STAB1: variants seen among roughly 807,000 people sequenced by gnomAD.
STAB1 encodes stabilin-1.
Under a neutral mutation model 332.4 loss-of-function variants are expected in STAB1, and 250 were observed. The observed-to-expected ratio is 0.75, with a 90% CI of 0.68 to 0.84. The LOEUF (loss-of-function observed/expected upper bound fraction) is 0.84, where lower values mean the gene tolerates loss of function less well. Among genes scored for constraint, STAB1 ranks in the 40% least tolerant of loss-of-function variants. STAB1 has a pLI of 0.00. For missense variants in STAB1, 3,249 were observed against 3,489.7 expected (o/e 0.93, Z 1.74); for synonymous variants, 1,475 against 1,390.4 (o/e 1.06, Z -1.35).
chr3:52,508,889 A>G (rs1443089364), intron 21 of STAB1, among the ~76,000 whole-genome samples: 1 of 152,132 alleles, frequency 6.6e-6, no homozygotes, highest in Non-Finnish European at 1.5e-5. Flanking sequence ...TTTATTTCCA[A>G]AAAGGCTACT....
chr3:52,507,518 T>C, intron 18 of STAB1, 95 bp from the exon 19 acceptor site: 1 of 1,338,614 alleles, frequency 7.5e-7, no homozygotes, highest in Non-Finnish European at 1.0e-6. Context: ...GCTCTTCTCA[T>C]CCCTTAATCC....
rs777119615 is a variant in STAB1, at chr3:52,513,961, C to G, written c.3427C>G (p.Leu1143Val). The G allele has an allele frequency of 1.9e-6, 3 of 1,604,790 alleles. No homozygotes were observed. The highest frequency in any genetic ancestry group is 1.7e-5 in the Admixed American group (1 of 59,748). The change falls in exon 32 of 69, where the codon CTC becomes GTC. Residue 1143 changes from leucine to valine, a missense_variant. By Grantham distance (32) the Leu-to-Val change is conservative. Transcript: ENST00000321725. ...QQLDLVPAFS[L>V]FRELLQHHGL... ...GCTGGACTTGGTGCCTGCCTTCAGC[C>G]TCTTCCGGGAATTGCTGCAGGTACG...
At chr3:52,515,581 C>A in intron 37 of STAB1, 75 bp downstream of exon 37, 2 of 1,502,772 alleles carry the variant, frequency 1.3e-6, no homozygotes, top group Non-Finnish European at 1.8e-6. Context: ...CAGGGAGGAG[C>A]CCAGTTTGGA....
rs535294709 is a variant in STAB1, at chr3:52,510,947, C to T, written c.2787+440C>T. On this transcript the variant is annotated intron_variant, in intron 25 of 68. Transcript: ENST00000321725. ...GACAGGCATTGAAGACTGTCTAACGCGCCAAGTGGGAGGCCAGGCCTGGCT... is the reference window on the plus strand; with the variant it reads ...GACAGGCATTGAAGACTGTCTAACGTGCCAAGTGGGAGGCCAGGCCTGGCT... Among the ~76,000 whole-genome samples, 22 of 152,302 alleles carry T rather than the reference C, an allele frequency of 1.4e-4. No homozygotes were observed. The South Asian group carries it at 2.1e-3, about 14-fold the overall frequency.
rs2079153783 is a variant in STAB1, at chr3:52,523,551, C to G, written c.7265C>G (p.Pro2422Arg). 1 of 1,612,774 alleles carries G rather than the reference C, an allele frequency of 6.2e-7. No individual in the cohort carries two copies. The highest frequency in any genetic ancestry group is 1.7e-5 in the Admixed American group (1 of 60,012). The change falls in exon 65 of 69, where the codon CCT (proline) becomes CGT (arginine). Residue 2422 changes from proline (P) to arginine (R), a missense_variant. Pro to Arg is a moderately radical substitution (Grantham distance 103). Transcript: ENST00000321725. ...GLSLIISDAG[P>R]DNSSWAPVAP... is the part of the protein sequence containing the mutation. ...AGCCTCATCATCAGTGACGCAGGCC[C>G]TGACAACAGTTCCTGGGCCCCTGTG...
intron 22 of STAB1, chr3:52,509,606 G>A (rs1052067687): frequency 3.0e-5 from 18 of 593,634 alleles, no homozygotes; most frequent in Admixed American, 2.5e-4. Context: ...TAAAGTATGC[G>A]GGACTTAGGT....
chr3:52,515,295 C>T, intron 36 of STAB1, 128 bp from the exon 37 acceptor site: 2 of 969,498 alleles, frequency 2.1e-6, no homozygotes, highest in Non-Finnish European at 3.2e-6. Context: ...TGTCTTGGTC[C>T]CTCTCTGACC....
At chr3:52,513,848 A>G in intron 31 of STAB1, 35 bp from the exon 32 acceptor site, 2 of 1,612,790 alleles carry the variant, frequency 1.2e-6, no homozygotes, top group African/African-American at 1.3e-5. Flanking sequence ...CCGTGAAGCA[A>G]TGACATACTG....
At chr3:52,502,901 C>T in intron 6 of STAB1, 98 bp from the exon 7 acceptor site, 1 of 1,286,348 alleles carries the variant, frequency 7.8e-7, no homozygotes, top group South Asian at 1.5e-5. Flanking sequence ...AGGTCAGGGC[C>T]CTGCTCCAAG....
chr3:52,495,520 C>A, intron 1 of STAB1, 29 bp downstream of exon 1: 2 of 1,306,898 alleles, frequency 1.5e-6, no homozygotes, highest in Non-Finnish European at 9.8e-7. Context: ...CAGGGGCACA[C>A]GGCGTCTGGG....
At position 52,516,736 on chromosome 3, in the gene STAB1, CG is replaced by C; in HGVS notation, c.4334del (p.Gly1445AspfsTer146). 1 of 1,611,308 alleles carries C rather than the reference CG, an allele frequency of 6.2e-7. No homozygotes were observed. On this transcript the variant is annotated frameshift_variant, in exon 41 of 69. Coordinates refer to ENST00000321725, the MANE Select transcript of STAB1 (RefSeq NM_015136.3). LOFTEE classifies it high-confidence loss of function. ...GGAGCCTCCACCTGCGCCTGTGCTG[CG>C]GGATACTCCGGCAATGGCATCTTCT... ...SAGASTCACA[A>X]GYSGNGIFCS...
Position 52,504,790 on chromosome 3 carries a change from A to T in STAB1, c.1291A>T (p.Ile431Phe). ...ACAGCACATCATCGCAGGGCAGCACATCCTGGAGGACACAAGGACCCAACA... is the reference window on the plus strand; with the variant it reads ...ACAGCACATCATCGCAGGGCAGCACTTCCTGGAGGACACAAGGACCCAACA... The part of the protein sequence containing the change: ...CRQHIIAGQH[I>F]LEDTRTQQTR... Residue 431 changes from isoleucine to phenylalanine, a missense_variant, in exon 12 of 69, where the codon ATC becomes TTC. Transcript: ENST00000321725. 1 of 1,613,926 alleles carries T rather than the reference A, an allele frequency of 6.2e-7. No individual in the cohort carries two copies. The highest frequency in any genetic ancestry group is 8.5e-7 in the Non-Finnish European group (1 of 1,180,030).
intron 48 of STAB1, 142 bp downstream of exon 48, chr3:52,519,011 A>T: frequency 8.8e-7 from 1 of 1,138,082 alleles, no homozygotes; most frequent in Non-Finnish European, 1.2e-6. Context: ...CCAGCCCGGG[A>T]CTCCGCCCTT....
chr3:52,508,729 G>C (rs970102662), intron 21 of STAB1, among the ~76,000 whole-genome samples: 1 of 152,044 alleles, frequency 6.6e-6, no homozygotes, highest in African/African-American at 2.4e-5. Flanking sequence ...GGCTGAGGCA[G>C]GAAAATCACT....
At position 52,522,327 on chromosome 3, in the gene STAB1, C is replaced by T. The variant is rs1001863601; in HGVS notation, c.6466-3C>T. On this transcript the variant is annotated splice_polypyrimidine_tract_variant and splice_region_variant and intron_variant, in intron 59 of 68. Transcript: ENST00000321725. ...GGGCGCCCACTGCTCTCTCCAACCC[C>T]AGAACACACGGCGCTGTGAGTGCCA... is the stretch of plus-strand genomic sequence containing the variant. The T allele has an allele frequency of 1.9e-6, 3 of 1,612,818 alleles. No homozygotes were observed. In the African/African-American group the frequency reaches 4.0e-5, roughly 22 times the overall value.
chr3:52,520,345 GTA>G (rs1286016432), intron 52 of STAB1, 53 bp from the exon 53 acceptor site: 7 of 1,612,748 alleles, frequency 4.3e-6, no homozygotes, highest in Non-Finnish European at 8.5e-7. Context: ...GGCCCTGGCA[GTA>G]GCAGCTGGAG....
rs759453930 is a variant in STAB1 at position 52,501,997 on chromosome 3, G to C, written c.332-9G>C. 1.2e-6 allele frequency: 2 copies of C among 1,611,574 alleles called. No homozygotes were observed. Among genetic ancestry groups the C allele is most frequent in the South Asian group, 2.2e-5 (2 of 91,018 alleles). ...TGGGCACAGAGCTGAGTACTGTGGG[G>C]GTCCACAGAATGCCCTGGGGGCGCT... On this transcript the variant is annotated splice_polypyrimidine_tract_variant and intron_variant, in intron 3 of 68. Transcript: ENST00000321725.
chr3:52,518,025 C>T, intron 45 of STAB1, 22 bp downstream of exon 45: 1 of 1,591,756 alleles, frequency 6.3e-7, no homozygotes, highest in Non-Finnish European at 8.5e-7. Context: ...CAAGTCAGAC[C>T]CCTGATCTGG....
intron 1 of STAB1, among the ~76,000 whole-genome samples, chr3:52,498,386 G>A (rs1004203025): frequency 5.3e-5 from 8 of 152,352 alleles, no homozygotes; most frequent in Admixed American, 2.6e-4. Context: ...CTGGACCAAC[G>A]GCAAGATGTG....
Sources: gnomAD v4.1 joint callset for allele counts (sites outside exome capture counted in the v4.1 genomes callset) on GRCh38, gnomAD v4.1.1 for gene constraint, MANE v1.5 for transcripts, NCBI Gene and HGNC (gene_info 2026-07-23, HGNC 2026-07-21) for gene names.